The following TRIM54 variants were observed in gnomAD, a reference collection of about 807,000 sequenced individuals.
The protein encoded by TRIM54 is tripartite motif containing 54, also known as tripartite motif-containing protein 54.
Under a neutral mutation model 42.0 loss-of-function variants are expected in TRIM54, and 40 were observed. That is an observed-to-expected ratio of 0.95 (90% CI 0.74 to 1.24). The LOEUF (loss-of-function observed/expected upper bound fraction) is 1.24. Among genes scored for constraint, TRIM54 ranks in the 50% most tolerant of loss-of-function variants. TRIM54 has a pLI of 0.00. For synonymous variants in TRIM54, 199 were observed against 194.9 expected, an observed-to-expected ratio of 1.02 and a Z score of -0.17; for missense variants, 485 against 480.3, an observed-to-expected ratio of 1.01 and a Z score of -0.09.
Position 27,307,089 on chromosome 2 carries a change from C to A in TRIM54, c.*204C>A, listed in dbSNP as rs1332580855. ...GACCCGCCCACCATCCTGCCCTTCC[C>A]AGAACCTGAGACCGTCTGGGGGGCG... On this transcript the variant is annotated 3_prime_UTR_variant, in exon 9 of 9. Coordinates refer to ENST00000380075, the MANE Select transcript of TRIM54 (RefSeq NM_187841.3). The surrounding 1 kb of genome is among the most constrained non-coding windows in gnomAD (Gnocchi z 6.9). 2 of 242,120 alleles carry A rather than the reference C, an allele frequency of 8.3e-6. No individual in the cohort carries two copies. Among genetic ancestry groups the A allele is most frequent in the Admixed American group, 1.0e-4 (2 of 19,356 alleles). The allele number at this position is 242,120 out of a possible 1,614,324, so 15.0% of individuals were successfully genotyped here.
intron 3 of TRIM54, among the ~76,000 whole-genome samples, chr2:27,300,362 G>A (rs1485179106): frequency 4.6e-5 from 7 of 151,550 alleles, no homozygotes; most frequent in South Asian, 2.1e-4. Context: ...TAGTAGAGAC[G>A]GGGCTTCACC....
At chr2:27,300,302 G>T (rs1558588477) in intron 3 of TRIM54, among the ~76,000 whole-genome samples, 2 of 152,086 alleles carry the variant, frequency 1.3e-5, no homozygotes, top group Admixed American at 1.3e-4. Context: ...CTCCAGAGTA[G>T]CTGGGATTAT....
At chr2:27,298,799 C>G (rs1678943527) in intron 2 of TRIM54, 60 bp downstream of exon 2, 1 of 1,546,414 alleles carries the variant, frequency 6.5e-7, no homozygotes, top group South Asian at 1.2e-5. Flanking sequence ...GCCAAGGAAC[C>G]CATCAGAGCC....
chr2:27,299,104 C>A, intron 2 of TRIM54, 141 bp from the exon 3 acceptor site: 1 of 915,546 alleles, frequency 1.1e-6, no homozygotes, highest in East Asian at 2.6e-5. Context: ...ATTCAGAGCT[C>A]TGTGGAAGTA....
intron 1 of TRIM54, among the ~76,000 whole-genome samples, chr2:27,298,038 C>T (rs1678912497): frequency 6.6e-6 from 1 of 150,514 alleles, no homozygotes; most frequent in South Asian, 2.1e-4. Flanking sequence ...CACAAGAACC[C>T]AGGACTCCTG....
At chr2:27,284,213 CA>C (rs1437706956) in intron 1 of TRIM54, among the ~76,000 whole-genome samples, 5 of 152,204 alleles carry the variant, frequency 3.3e-5, no homozygotes, top group African/African-American at 1.2e-4. Flanking sequence ...TGGAACATCC[CA>C]AACAAGTATT....
Position 27,306,068 on chromosome 2 carries a change from T to G in TRIM54, c.844-12T>G. 1 of 1,613,744 alleles carries G rather than the reference T, an allele frequency of 6.2e-7. No individual in the cohort carries two copies. Among genetic ancestry groups the G allele is most frequent in the Non-Finnish European group, 8.5e-7 (1 of 1,180,018 alleles). On this transcript the variant is annotated splice_polypyrimidine_tract_variant and intron_variant, in intron 5 of 8. Transcript: ENST00000380075. The surrounding 1 kb of genome is among the most constrained non-coding windows in gnomAD (Gnocchi z 6.1). ...CCAGTGCTTACTCTCACCCTCCTTT[T>G]CTTCCCTGCAGCAGGCCAAGGAGCT... is the stretch of plus-strand genomic sequence containing the variant.
Position 27,305,731 on chromosome 2 carries a change from T to TA in TRIM54, c.758dup (p.Tyr253Ter), listed in dbSNP as rs765085513. 61 of 1,612,120 alleles carry TA rather than the reference T, an allele frequency of 3.8e-5. No homozygotes were observed. The East Asian group carries it at 1.2e-3, about 32-fold the overall frequency. Residue 253 changes from tyrosine to a stop codon, truncating the protein, a stop_gained and frameshift_variant, in exon 5 of 9, where the codon TAT becomes TAAT. Coordinates refer to ENST00000380075, the MANE Select transcript of TRIM54 (RefSeq NM_187841.3). LOFTEE classifies it high-confidence loss of function. ...GCGCGTCCGCGGCCTCATCCGTCAG[T>TA]ATGGCGACCACCTGGAGGCCTCCTC... The part of the protein sequence containing the change: ...LQRVRGLIRQ[Y>*]GDHLEASSKL...
At chr2:27,292,383 C>A (rs1678743410) in intron 1 of TRIM54, among the ~76,000 whole-genome samples, 1 of 151,964 alleles carries the variant, frequency 6.6e-6, no homozygotes, top group Admixed American at 6.6e-5. Flanking sequence ...TCAGCCTGGG[C>A]AACTAGCAAG....
chr2:27,285,265 T>A (rs967952626), intron 1 of TRIM54, among the ~76,000 whole-genome samples: 4 of 152,208 alleles, frequency 2.6e-5, no homozygotes, highest in African/African-American at 7.2e-5. Flanking sequence ...TTTAGTTTTT[T>A]CGCACATTGC....
rs749345318 is a variant in TRIM54, at chr2:27,298,718, T to C, written c.320T>C (p.Ile107Thr). 1 of 1,613,948 alleles carries C rather than the reference T, an allele frequency of 6.2e-7. No homozygotes were observed. Among genetic ancestry groups the C allele is most frequent in the Non-Finnish European group, 8.5e-7 (1 of 1,179,976 alleles). The change falls in exon 2 of 9, where the codon ATT becomes ACT. Residue 107 changes from isoleucine to threonine, a missense_variant. Transcript: ENST00000380075. ...CTGCTAGTGGAGAACATTATCGACA[T>C]TTACAAGCAGGAGTCATCCAGGTGA... The part of the protein sequence containing the change: ...RNLLVENIID[I>T]YKQESSRPLH...
At chr2:27,288,115 C>T (rs1392066337) in intron 1 of TRIM54, among the ~76,000 whole-genome samples, 12 of 152,310 alleles carry the variant, frequency 7.9e-5, no homozygotes, top group Non-Finnish European at 1.6e-4. Flanking sequence ...TCTTCTCAGG[C>T]GCTTCAGCTT....
In TRIM54 at chr2:27,307,330, C is replaced by T. The variant is rs1273429932; in HGVS notation, c.*445C>T. 3 of 995,174 alleles carry T rather than the reference C, an allele frequency of 3.0e-6. No homozygotes were observed. The highest frequency in any genetic ancestry group is 5.8e-5 in the Admixed American group (2 of 34,696). 61.6% of individuals were successfully genotyped at this position (995,174 alleles called of 1,614,324 possible). ...CAGCATTTTGTTCCCCTCCCGCTGGCCCGGGGGCCCCACCTTCCCACGGGT... is the reference window on the plus strand; with the variant it reads ...CAGCATTTTGTTCCCCTCCCGCTGGTCCGGGGGCCCCACCTTCCCACGGGT... On this transcript the variant is annotated 3_prime_UTR_variant, in exon 9 of 9. Coordinates refer to ENST00000380075, the MANE Select transcript of TRIM54 (RefSeq NM_187841.3). This position sits in a 1 kb window ranked among gnomAD's most constrained non-coding sequence, Gnocchi z 6.9.
intron 3 of TRIM54, among the ~76,000 whole-genome samples, chr2:27,302,646 C>T (rs1409687376): frequency 6.6e-6 from 1 of 151,912 alleles, no homozygotes; most frequent in Admixed American, 6.6e-5. Flanking sequence ...ACAAAATTAG[C>T]TGGGCATGGT....
rs555444216 is a variant in TRIM54, at chr2:27,294,869, G to A, written c.169-3698G>A. Reference sequence around the variant, plus strand: ...TGCACCACTGCACTCCGGCCTGGGCGACAGAGCAAGACTCCATCTCAAAAA... The same window carrying A: ...TGCACCACTGCACTCCGGCCTGGGCAACAGAGCAAGACTCCATCTCAAAAA... On this transcript the variant is annotated intron_variant, in intron 1 of 8. Transcript: ENST00000380075. Among the ~76,000 whole-genome samples, 33 of 118,094 alleles carry A rather than the reference G, an allele frequency of 2.8e-4. No individual in the cohort carries two copies. In the South Asian group the frequency reaches 3.6e-3, roughly 13 times the overall value. The allele number at this position is 118,094 out of a possible 152,430, so 77.5% of individuals were successfully genotyped here. A position where few individuals can be genotyped will look rare whatever the true frequency, so the allele number is the denominator to read the frequency against.
intron 3 of TRIM54, among the ~76,000 whole-genome samples, chr2:27,303,490 CA>C (rs1679096685): frequency 6.6e-6 from 1 of 151,554 alleles, no homozygotes; most frequent in South Asian, 2.1e-4. Flanking sequence ...GCGGAGGTTG[CA>C]GTGAGCTGAG....
In TRIM54 at chr2:27,306,824, G is replaced by C. The variant is rs1679232557; in HGVS notation, c.*2-63G>C. On this transcript the variant is annotated intron_variant, in intron 8 of 8. Coordinates refer to ENST00000380075, the MANE Select transcript of TRIM54 (RefSeq NM_187841.3). This position sits in a 1 kb window ranked among gnomAD's most constrained non-coding sequence, Gnocchi z 6.1. The stretch of plus-strand genomic sequence containing the variant: ...CCACGTGGCGGGGGACGGAGTGAGC[G>C]GGGCTCGAGCTGCCTCGTGCCTTCG... The C allele has an allele frequency of 9.7e-6, 5 of 517,216 alleles. No homozygotes were observed. The highest frequency in any genetic ancestry group is 1.7e-5 in the Non-Finnish European group (5 of 292,412). 32.0% of individuals were successfully genotyped at this position (517,216 alleles called of 1,614,324 possible).
intron 1 of TRIM54, among the ~76,000 whole-genome samples, chr2:27,289,352 TG>T (rs1678659000): frequency 6.6e-6 from 1 of 152,202 alleles, no homozygotes; most frequent in Non-Finnish European, 1.5e-5. Context: ...AGGGGGCTCT[TG>T]TTGCCAAGGC....
At position 27,304,889 on chromosome 2, in the gene TRIM54, C is replaced by G; in HGVS notation, c.514-70C>G. ...AAGGGCCAGCCCTCTCCTAGGCAAC[C>G]CTGGCTGGGGTGAGGGGTGTAGCTC... On this transcript the variant is annotated intron_variant, in intron 3 of 8. Coordinates refer to ENST00000380075, the MANE Select transcript of TRIM54 (RefSeq NM_187841.3). 4 of 1,443,218 alleles carry G rather than the reference C, an allele frequency of 2.8e-6. No homozygotes were observed. In the South Asian group the frequency reaches 3.7e-5, roughly 13 times the overall value. 89.4% of individuals were successfully genotyped at this position (1,443,218 alleles called of 1,614,324 possible).
Sources: gnomAD v4.1 joint callset for allele counts (sites outside exome capture counted in the v4.1 genomes callset) on GRCh38, gnomAD v4.1.1 for gene constraint, Gnocchi (gnomAD v3.1) non-coding constraint, MANE v1.5 for transcripts, NCBI Gene and HGNC (gene_info 2026-07-23, HGNC 2026-07-21) for gene names.